SLC4A5: variants seen among roughly 807,000 people sequenced by gnomAD.
SLC4A5 encodes solute carrier family 4 member 5.
SLC4A5 carries 96 observed loss-of-function variants against 120.4 expected under a neutral mutation model. The observed-to-expected ratio is 0.80, with a 90% CI of 0.68 to 0.94. SLC4A5 has a LOEUF of 0.94. Ranked by LOEUF, SLC4A5 falls within the 40% of genes least tolerant of loss-of-function variation. The probability of loss-of-function intolerance (pLI) is 0.00; values close to 1 mark genes in which losing one functional copy is unlikely to be tolerated. For synonymous variants in SLC4A5, 550 were observed against 571.1 expected (o/e 0.96, Z 0.53); for missense variants, 1,259 against 1,459.5 (o/e 0.86, Z 2.24).
chr2:74,234,925 C>T (rs111541765), intron 22 of SLC4A5, among the ~76,000 whole-genome samples, 176 bp downstream of exon 22: 67 of 152,294 alleles, frequency 4.4e-4, no homozygotes, highest in African/African-American at 1.6e-3. Flanking sequence ...TACCCCTCCC[C>T]GCCCTACCTC....
chr2:74,246,938 G>A (rs1670628976), intron 19 of SLC4A5, 98 bp downstream of exon 19: 1 of 1,473,460 alleles, frequency 6.8e-7, no homozygotes, highest in Non-Finnish European at 9.2e-7. Context: ...TTGGCTGAAT[G>A]GCCCCTCCCC....
In SLC4A5 at chr2:74,246,974, G is replaced by A. The variant is rs182659230; in HGVS notation, c.2059+62C>T. On this transcript the variant is annotated intron_variant, in intron 19 of 30. Coordinates refer to ENST00000394019, the Ensembl canonical transcript of SLC4A5. ...AGCAGTAGAAGTAGAGAGCTGTGGT[G>A]AAGGATCAGGGGGCCGGTGGGGTAG... 1.4e-5 allele frequency: 22 copies of A among 1,581,738 alleles called. No homozygotes were observed. The African/African-American group carries it at 1.7e-4, about 13-fold the overall frequency.
At chr2:74,289,480 C>T (rs1036964869) in intron 7 of SLC4A5, among the ~76,000 whole-genome samples, 1 of 152,090 alleles carries the variant, frequency 6.6e-6, no homozygotes, top group Non-Finnish European at 1.5e-5. Context: ...CCATGCCTGG[C>T]TAATTTTTGT....
chr2:74,244,937 T>C (rs1011680465), intron 19 of SLC4A5, among the ~76,000 whole-genome samples: 6 of 152,210 alleles, frequency 3.9e-5, no homozygotes, highest in African/African-American at 1.4e-4. Flanking sequence ...GGCTTCATTA[T>C]GTCCCTCATA....
intron 6 of SLC4A5, chr2:74,306,696 TC>T: frequency 9.7e-7 from 1 of 1,031,556 alleles, no homozygotes; most frequent in Non-Finnish European, 1.4e-6. Context: ...GGCCTCCTGC[TC>T]CCCAAAGGGT....
chr2:74,293,491 C>CT (rs1277145522), intron 7 of SLC4A5, among the ~76,000 whole-genome samples: 6 of 152,158 alleles, frequency 3.9e-5, no homozygotes, highest in African/African-American at 1.4e-4. Flanking sequence ...AATTGGGTCT[C>CT]TGAGTTAGCT....
At chr2:74,306,129 G>A (rs555191876) in intron 6 of SLC4A5, among the ~76,000 whole-genome samples, 5 of 152,276 alleles carry the variant, frequency 3.3e-5, no homozygotes, top group Admixed American at 6.5e-5. Flanking sequence ...GACAAGCACT[G>A]CCATTCTAAA....
At chr2:74,276,192 A>G (rs987156839) in intron 8 of SLC4A5, among the ~76,000 whole-genome samples, 10 of 152,198 alleles carry the variant, frequency 6.6e-5, no homozygotes, top group African/African-American at 1.2e-4. Context: ...GAGGGGAAAT[A>G]AAAGGACAGG....
intron 14 of SLC4A5, 37 bp from the exon 15 acceptor site, chr2:74,253,165 G>A (rs1159574189): frequency 1.2e-6 from 2 of 1,612,060 alleles, no homozygotes; most frequent in East Asian, 2.2e-5. Context: ...GAAAGATCGG[G>A]TCTGTTTCTG....
intron 5 of SLC4A5, among the ~76,000 whole-genome samples, chr2:74,321,367 T>A (rs1255484268): frequency 6.6e-6 from 1 of 152,152 alleles, no homozygotes; most frequent in East Asian, 1.9e-4. Context: ...GATAAAGCAT[T>A]TTCAGAAGAA....
At chr2:74,279,103 C>T (rs750260191) in intron 8 of SLC4A5, among the ~76,000 whole-genome samples, 1 of 152,238 alleles carries the variant, frequency 6.6e-6, no homozygotes, top group African/African-American at 2.4e-5. Flanking sequence ...TTCTTGTAAG[C>T]CTACGATGTG....
At position 74,285,761 on chromosome 2, in the gene SLC4A5, G is replaced by A. The variant is rs758403205; in HGVS notation, c.401+12C>T. Reference sequence around the variant, plus strand: ...CTGAAGTGCCCACCTCCCTCGTGGGGCCCCGCCTCACCTGGCTGACTCCTT... The same window carrying A: ...CTGAAGTGCCCACCTCCCTCGTGGGACCCCGCCTCACCTGGCTGACTCCTT... On this transcript the variant is annotated intron_variant, in intron 8 of 30. Coordinates refer to ENST00000394019, the Ensembl canonical transcript of SLC4A5. 1.9e-5 allele frequency: 30 copies of A among 1,607,744 alleles called. No homozygotes were observed. The highest frequency in any genetic ancestry group is 2.5e-5 in the Non-Finnish European group (29 of 1,176,092).
At chr2:74,329,388 G>A (rs1340983643) in intron 4 of SLC4A5, among the ~76,000 whole-genome samples, 2 of 152,118 alleles carry the variant, frequency 1.3e-5, no homozygotes, top group African/African-American at 4.8e-5. Flanking sequence ...TCAGGAGTTC[G>A]AGACCAGCCT....
In SLC4A5 at chr2:74,251,135, C is replaced by T. The variant is rs562554421; in HGVS notation, c.1479-618G>A. Among the ~76,000 whole-genome samples the T allele has an allele frequency of 2.6e-5, 4 of 152,188 alleles. No homozygotes were observed. The East Asian group carries it at 5.8e-4, about 22-fold the overall frequency. ...ATATTTTGGACTGGATACTCCTTTG[C>T]TGCAGGGGCTGTCCCATGCACTGCA... On this transcript the variant is annotated intron_variant, in intron 16 of 30. Transcript: ENST00000394019.
chr2:74,252,049 G>T, intron 16 of SLC4A5, 130 bp downstream of exon 16: 1 of 983,318 alleles, frequency 1.0e-6, no homozygotes, highest in Non-Finnish European at 1.5e-6. Context: ...AAGGGCTCTG[G>T]GAGGGAAAGA....
At chr2:74,219,788 A>G (rs1694565912) in intron 30 of SLC4A5, among the ~76,000 whole-genome samples, 1 of 152,220 alleles carries the variant, frequency 6.6e-6, no homozygotes, top group Non-Finnish European at 1.5e-5. Flanking sequence ...ATACTAATGT[A>G]TAAAGATCAA....
chr2:74,341,046 T>TCCCAAA (rs1355217209), intron 2 of SLC4A5, among the ~76,000 whole-genome samples: 5 of 152,304 alleles, frequency 3.3e-5, no homozygotes, highest in Non-Finnish European at 7.4e-5. Flanking sequence ...GGCTCACGCC[T>TCCCAAA]GTAATCTCAA....
At chr2:74,340,340 A>T (rs3821303) in intron 2 of SLC4A5, among the ~76,000 whole-genome samples, 7 of 152,000 alleles carry the variant, frequency 4.6e-5, no homozygotes, top group African/African-American at 1.7e-4. Flanking sequence ...CCAAAAAAGC[A>T]CTTTTGTTCT....
rs138218987 is a variant in SLC4A5, at chr2:74,277,921, A to C, written c.401+7852T>G. ...ATACCCCAGCAAAAGCAAACAACAA[A>C]AAAAAAATCCCCAAAAGCAAACAAA... On this transcript the variant is annotated intron_variant, in intron 8 of 30. Coordinates refer to ENST00000394019, the Ensembl canonical transcript of SLC4A5. Among the ~76,000 whole-genome samples, 350 of 152,234 alleles carry C rather than the reference A, an allele frequency of 2.3e-3. 1 individual carries two copies. Among genetic ancestry groups the C allele is most frequent in the Middle Eastern group, 0.01 (3 of 294 alleles).
Sources: allele counts gnomAD v4.1 joint callset (sites outside exome capture counted in the v4.1 genomes callset), GRCh38; gene constraint gnomAD v4.1.1; transcripts MANE v1.5; gene names NCBI Gene and HGNC (gene_info 2026-07-23, HGNC 2026-07-21).